The following LNX1 variants were observed in gnomAD, a reference collection of about 807,000 sequenced individuals.
LNX1 encodes the protein ligand of numb-protein X 1, also known as E3 ubiquitin-protein ligase LNX.
LNX1 carries 54 observed loss-of-function variants against 68.4 expected under a neutral mutation model. The ratio of observed to expected loss-of-function variants is 0.79; its 90% CI spans 0.63 to 0.99. LNX1 has a LOEUF of 0.99. Among genes scored for constraint, LNX1 ranks in the 50% least tolerant of loss-of-function variants. The pLI is 0.00. For missense variants in LNX1, 906 were observed against 926.4 expected (o/e 0.98, Z 0.29); for synonymous variants, 336 against 350.0 (o/e 0.96, Z 0.45).
At chr4:53,611,405 T>A (rs1156466595) in intron 2 of LNX1, among the ~76,000 whole-genome samples, 1 of 152,152 alleles carries the variant, frequency 6.6e-6, no homozygotes, top group Non-Finnish European at 1.5e-5. Flanking sequence ...ACAAATTGAT[T>A]ATGTGTGTGG....
intron 9 of LNX1, among the ~76,000 whole-genome samples, chr4:53,472,967 A>G (rs1723335212): frequency 6.6e-6 from 1 of 152,210 alleles, no homozygotes; most frequent in South Asian, 2.1e-4. Context: ...GGCCAAGTAG[A>G]AAGAAGTTTT....
intron 2 of LNX1, among the ~76,000 whole-genome samples, chr4:53,537,982 A>G (rs1354287693): frequency 1.3e-5 from 2 of 152,256 alleles, no homozygotes; most frequent in African/African-American, 4.8e-5. Context: ...GCTACTGTCA[A>G]TAATTGCTTC....
At chr4:53,548,772 A>T (rs1270939908) in intron 2 of LNX1, among the ~76,000 whole-genome samples, 1 of 152,206 alleles carries the variant, frequency 6.6e-6, no homozygotes, top group Admixed American at 6.5e-5. Flanking sequence ...ATGGAATCAA[A>T]CTAAATGCCC....
intron 2 of LNX1, among the ~76,000 whole-genome samples, chr4:53,607,369 C>T (rs1478853710): frequency 1.3e-5 from 2 of 151,808 alleles, no homozygotes; most frequent in African/African-American, 2.4e-5. Context: ...ACGATGGTCA[C>T]GAAAAGATAA....
At chr4:53,637,992 A>C (rs1734544416) in intron 1 of LNX1, among the ~76,000 whole-genome samples, 2 of 152,222 alleles carry the variant, frequency 1.3e-5, no homozygotes, top group Non-Finnish European at 2.9e-5. Context: ...TTTAGAAGAA[A>C]TGATTTATCA....
intron 7 of LNX1, 36 bp downstream of exon 7, chr4:53,481,684 C>T: frequency 6.3e-7 from 1 of 1,599,024 alleles, no homozygotes; most frequent in Non-Finnish European, 8.5e-7. Flanking sequence ...GAAATAGCCC[C>T]TTGCAGGAGC....
At chr4:53,482,029 G>A (rs975047135) in intron 6 of LNX1, among the ~76,000 whole-genome samples, 175 bp from the exon 7 acceptor site, 1 of 152,198 alleles carries the variant, frequency 6.6e-6, no homozygotes, top group Non-Finnish European at 1.5e-5. Context: ...GAGCATGAGA[G>A]CTCTTTCCTT....
intron 1 of LNX1, among the ~76,000 whole-genome samples, chr4:53,637,600 C>T (rs1037542677): frequency 2.2e-4 from 34 of 152,086 alleles, no homozygotes; most frequent in African/African-American, 7.2e-4. Flanking sequence ...TTCATTACTA[C>T]AGAATTTCAT....
At chr4:53,472,988 TC>T (rs763915956) in intron 9 of LNX1, among the ~76,000 whole-genome samples, 1 of 152,188 alleles carries the variant, frequency 6.6e-6, no homozygotes. Context: ...TAATGCACCT[TC>T]TGGAGTGATT....
chr4:53,597,026 G>C (rs1397802924), intron 2 of LNX1, among the ~76,000 whole-genome samples: 1 of 152,082 alleles, frequency 6.6e-6, no homozygotes, highest in Non-Finnish European at 1.5e-5. Context: ...AAGAATATCT[G>C]TTCCTTACTA....
At position 53,607,920 on chromosome 4, in the gene LNX1, A is replaced by C. The variant is rs547711312; in HGVS notation, c.-215+8597T>G. Among the ~76,000 whole-genome samples the C allele has an allele frequency of 1.2e-4, 19 of 152,336 alleles. No individual in the cohort carries two copies. The South Asian group carries it at 3.3e-3, about 27-fold the overall frequency. The stretch of plus-strand genomic sequence containing the variant: ...GGGATAACTGGCTAGCCAGATGCGG[A>C]AGATTGAAACAGTACCCATTTCTTA... On this transcript the variant is annotated intron_variant, in intron 2 of 3. Transcript: ENST00000504299.
At chr4:53,565,967 G>C (rs366074) in intron 2 of LNX1, among the ~76,000 whole-genome samples, 35,730 of 151,810 alleles carry the variant, frequency 0.24, 5,159 homozygotes, top group Non-Finnish European at 0.32. Context: ...AAAAAGAAAC[G>C]AGCAAAGCCT....
At chr4:53,624,058 G>A (rs1410195697) in intron 1 of LNX1, among the ~76,000 whole-genome samples, 1 of 152,160 alleles carries the variant, frequency 6.6e-6, no homozygotes, top group Non-Finnish European at 1.5e-5. Context: ...GCCTCTCAGA[G>A]CTGGGCCCTC....
At chr4:53,595,455 G>T (rs1218623063), upstream of LNX1, among the ~76,000 whole-genome samples, 3 of 152,148 alleles carry the variant, frequency 2.0e-5, no homozygotes. Context: ...TTGGGCATGG[G>T]GTAATTTCTT....
chr4:53,638,314 C>A (rs181143207), intron 1 of LNX1, among the ~76,000 whole-genome samples: 1 of 152,270 alleles, frequency 6.6e-6, no homozygotes, highest in Admixed American at 6.5e-5. Flanking sequence ...TTCTAGTTAG[C>A]AAGACTGTAC....
At chr4:53,501,299 T>TTGGGGG (rs56165716) in intron 4 of LNX1, among the ~76,000 whole-genome samples, 474 of 38,664 alleles carry the variant, frequency 0.012, 53 homozygotes, top group Middle Eastern at 0.033. Flanking sequence ...TTTTTTTTTT[T>TTGGGGG]GGGGGTGGGG....
chr4:53,544,244 G>C lies in LNX1; in HGVS notation c.380+29379C>G, dbSNP rs182116931. Among the ~76,000 whole-genome samples the C allele has an allele frequency of 4.6e-3, 702 of 151,538 alleles. 5 individuals carry two copies. Among genetic ancestry groups the C allele is most frequent in the Non-Finnish European group, 5.1e-3 (349 of 67,910 alleles). ...CAGTCTCACTCTGTTGCCCAGGCTG[G>C]AGTGCAGTGGTGCCATCTCAGCTCA... On this transcript the variant is annotated intron_variant, in intron 2 of 10. Transcript: ENST00000263925.
chr4:53,564,436 G>T (rs777866240), intron 2 of LNX1, among the ~76,000 whole-genome samples: 24 of 152,148 alleles, frequency 1.6e-4, no homozygotes, highest in Non-Finnish European at 1.9e-4. Context: ...TGGATGAGGG[G>T]ATGAGGAGGA....
intron 1 of LNX1, among the ~76,000 whole-genome samples, chr4:53,584,452 G>A (rs1732037222): frequency 6.6e-6 from 1 of 152,166 alleles, no homozygotes; most frequent in African/African-American, 2.4e-5. Context: ...AATGCCCCAA[G>A]ACAGGAGCCA....
Sources: allele counts gnomAD v4.1 joint callset (sites outside exome capture counted in the v4.1 genomes callset), GRCh38; gene constraint gnomAD v4.1.1; transcripts MANE v1.5; gene names NCBI Gene and HGNC (gene_info 2026-07-23, HGNC 2026-07-21).